Variants in GALNT2 observed in about 807,000 individuals in gnomAD.
GALNT2 encodes the protein UDP-GalNAc:polypeptide N-acetylgalactosaminyltransferase 2.
Under a neutral mutation model 81.4 loss-of-function variants are expected in GALNT2, and 31 were observed. That is an observed-to-expected ratio of 0.38 (90% CI 0.29 to 0.51). GALNT2 has a LOEUF of 0.51. Among genes scored for constraint, GALNT2 ranks in the 20% least tolerant of loss-of-function variants. The pLI is 0.87. For missense variants in GALNT2, 629 were observed against 765.7 expected, an observed-to-expected ratio of 0.82 and a Z score of 2.11; for synonymous variants, 303 against 287.4, an observed-to-expected ratio of 1.05 and a Z score of -0.55.
At chr1:230,190,972 A>G (rs1347778022) in intron 2 of GALNT2, among the ~76,000 whole-genome samples, 2 of 152,184 alleles carry the variant, frequency 1.3e-5, no homozygotes, top group Non-Finnish European at 2.9e-5. Flanking sequence ...ATGGCAATGC[A>G]TGCATTTTTT....
At chr1:230,135,636 C>T (rs977568933) in intron 1 of GALNT2, among the ~76,000 whole-genome samples, 5 of 152,130 alleles carry the variant, frequency 3.3e-5, no homozygotes, top group Non-Finnish European at 4.4e-5. Flanking sequence ...CTGGCAGGCT[C>T]GGCTCTGGAT....
At chr1:230,075,165 G>T (rs531808620) in intron 1 of GALNT2, among the ~76,000 whole-genome samples, 3 of 119,074 alleles carry the variant, frequency 2.5e-5, no homozygotes, top group Non-Finnish European at 1.6e-5. Flanking sequence ...TCACTCTGTC[G>T]CCCAGGCTGG....
upstream of GALNT2, among the ~76,000 whole-genome samples, chr1:230,066,233 TTC>T (rs1354872263): frequency 6.6e-6 from 1 of 152,230 alleles, no homozygotes; most frequent in Non-Finnish European, 1.5e-5. Flanking sequence ...TAAGTAAAAT[TTC>T]TGTCTTTCTT....
intron 3 of GALNT2, among the ~76,000 whole-genome samples, chr1:230,209,057 T>C (rs1185611174): frequency 6.6e-6 from 1 of 150,920 alleles, no homozygotes; most frequent in Middle Eastern, 3.2e-3. Context: ...AAAAAAAGCA[T>C]GTTGAAGTTG....
Position 230,149,444 on chromosome 1 carries a change from T to C in GALNT2, c.127-28774T>C, listed in dbSNP as rs1285118892. Among the ~76,000 whole-genome samples the C allele has an allele frequency of 2.6e-5, 4 of 152,126 alleles. No individual in the cohort carries two copies. In the East Asian group the frequency reaches 5.8e-4, roughly 22 times the overall value. On this transcript the variant is annotated intron_variant, in intron 1 of 15. Transcript: ENST00000366672. ...GCTTGGTGGTTTGAGCATCCTATTATTGCAGTGATTCTTAGGTCTGGCGTT... is the reference window on the plus strand; with the variant it reads ...GCTTGGTGGTTTGAGCATCCTATTACTGCAGTGATTCTTAGGTCTGGCGTT...
intron 3 of GALNT2, among the ~76,000 whole-genome samples, chr1:230,213,689 A>G (rs1276554006): frequency 3.9e-5 from 6 of 152,028 alleles, no homozygotes; most frequent in African/African-American, 1.4e-4. Flanking sequence ...TCTTAGTTCC[A>G]CCTGCTTTGT....
rs758390037 is a variant in GALNT2 at position 230,255,220 on chromosome 1, A to G, written c.1012A>G (p.Ile338Val). Residue 338 changes from isoleucine (I) to valine (V), a missense_variant and splice_region_variant, in exon 11 of 16, where the codon ATC becomes GTC. Ile to Val is a conservative substitution (Grantham distance 29, BLOSUM62 3). Coordinates refer to ENST00000366672, the MANE Select transcript of GALNT2 (RefSeq NM_004481.5). ...MDVWGGENLE[I>V]SFRVWQCGGS... is the part of the protein sequence containing the mutation. The stretch of plus-strand genomic sequence containing the variant: ...CTGTGTCTTGTTCATCGTCTCAGAG[A>G]TCTCGTTCCGCGTGTGGCAGTGTGG... The G allele has an allele frequency of 1.2e-6, 2 of 1,614,152 alleles. No individual in the cohort carries two copies. The highest frequency in any genetic ancestry group is 1.7e-6 in the Non-Finnish European group (2 of 1,180,022).
chr1:230,067,341 T>A lies in GALNT2; in HGVS notation c.61T>A (p.Tyr21Asn). 7.3e-7 allele frequency: 1 copy of A among 1,377,350 alleles called. No homozygotes were observed. The highest frequency in any genetic ancestry group is 1.6e-5 in the South Asian group (1 of 61,588). The allele number at this position is 1,377,350 out of a possible 1,614,324, so 85.3% of individuals were successfully genotyped here. ...CTTCCTGTGGGTGCTGGGCATCGCC[T>A]ACTACATGTACTCGGGGGGCGGCTC... Reference protein sequence around the residue: ...FAFLWVLGIAYYMYSGGGSAL... With the variant: ...FAFLWVLGIANYMYSGGGSAL... The change falls in exon 1 of 16, where the codon TAC becomes AAC. Residue 21 changes from tyrosine (Y) to asparagine (N), a missense_variant. This residue lies in a region of GALNT2 where 62 missense variants were observed against 47.3 expected (regional missense o/e 1.31). Coordinates refer to ENST00000366672, the MANE Select transcript of GALNT2 (RefSeq NM_004481.5).
At chr1:230,083,314 G>A (rs780458654) in intron 1 of GALNT2, among the ~76,000 whole-genome samples, 3 of 148,046 alleles carry the variant, frequency 2.0e-5, no homozygotes, top group Non-Finnish European at 4.5e-5. Flanking sequence ...GGATGATGGA[G>A]TGGGGAGCGA....
chr1:230,103,188 T>A (rs1660450082), intron 1 of GALNT2, among the ~76,000 whole-genome samples: 1 of 152,154 alleles, frequency 6.6e-6, no homozygotes, highest in South Asian at 2.1e-4. Flanking sequence ...ACAGTTGTGG[T>A]CCTTTCATGT....
At position 230,262,596 on chromosome 1, in the gene GALNT2, T is replaced by G; in HGVS notation, c.1160T>G (p.Val387Gly). 1 of 1,614,014 alleles carries G rather than the reference T, an allele frequency of 6.2e-7. No homozygotes were observed. The highest frequency in any genetic ancestry group is 8.5e-7 in the Non-Finnish European group (1 of 1,179,960). The change falls in exon 12 of 16, where the codon GTC becomes GGC. Residue 387 changes from valine (V) to glycine (G), a missense_variant. By Grantham distance (109) the Val-to-Gly change is moderately radical. Coordinates refer to ENST00000366672, the MANE Select transcript of GALNT2 (RefSeq NM_004481.5). Reference sequence around the variant, plus strand: ...AGAAACACCCGCCGGGCAGCAGAGGTCTGGATGGATGAATACAAAAATTTC... The same window carrying G: ...AGAAACACCCGCCGGGCAGCAGAGGGCTGGATGGATGAATACAAAAATTTC... ...FARNTRRAAEVWMDEYKNFYY... is the reference protein window; with the variant it reads ...FARNTRRAAEGWMDEYKNFYY...
intron 3 of GALNT2, among the ~76,000 whole-genome samples, chr1:230,221,966 CTTCTGTCTTCTTTT>C (rs962031273): frequency 3.2e-4 from 49 of 151,042 alleles, no homozygotes; most frequent in Non-Finnish European, 6.0e-4. Flanking sequence ...CTCCTCCTTA[CTTCTGTCTTCTTTT>C]CATCCTTGAC....
At chr1:230,109,985 A>G (rs1307414220) in intron 1 of GALNT2, among the ~76,000 whole-genome samples, 1 of 152,244 alleles carries the variant, frequency 6.6e-6, no homozygotes, top group East Asian at 1.9e-4. Flanking sequence ...TGTCACGCAG[A>G]TCAGAGATGT....
chr1:230,244,348 G>A (rs1665299336), intron 7 of GALNT2, among the ~76,000 whole-genome samples: 1 of 152,072 alleles, frequency 6.6e-6, no homozygotes, highest in South Asian at 2.1e-4. Context: ...CTTTAATAAT[G>A]CACGCAAAAT....
At chr1:230,128,620 C>T (rs1227250892) in intron 1 of GALNT2, among the ~76,000 whole-genome samples, 2 of 17,216 alleles carry the variant, frequency 1.2e-4, no homozygotes, top group Non-Finnish European at 2.2e-4. Flanking sequence ...GTGTGTGTGG[C>T]GGGGGCGGGG....
At chr1:230,179,551 T>C (rs1239774796) in intron 2 of GALNT2, among the ~76,000 whole-genome samples, 1 of 152,236 alleles carries the variant, frequency 6.6e-6, no homozygotes, top group East Asian at 1.9e-4. Context: ...TCTAATGACA[T>C]ATGATGTTGA....
intron 1 of GALNT2, among the ~76,000 whole-genome samples, chr1:230,081,901 G>A (rs1004733846): frequency 2.6e-5 from 4 of 152,206 alleles, no homozygotes; most frequent in East Asian, 1.9e-4. Context: ...ATTGGCTTGC[G>A]TTTCCTTGTC....
chr1:230,274,421 C>CT, intron 14 of GALNT2, 24 bp from the exon 15 acceptor site: 1 of 1,612,286 alleles, frequency 6.2e-7, no homozygotes, highest in African/African-American at 1.3e-5. Context: ...TAGCACGCCT[C>CT]TGACTTCTGG....
chr1:230,241,744 G>A (rs1665208532), intron 6 of GALNT2, among the ~76,000 whole-genome samples: 1 of 152,186 alleles, frequency 6.6e-6, no homozygotes, highest in Admixed American at 6.5e-5. Context: ...ACCACGCCCG[G>A]CCATGAGTTT....
Sources: allele counts gnomAD v4.1 joint callset (sites outside exome capture counted in the v4.1 genomes callset), GRCh38; gene constraint gnomAD v4.1.1; regional missense constraint gnomAD v4.1.1; transcripts MANE v1.5; gene names NCBI Gene and HGNC (gene_info 2026-07-23, HGNC 2026-07-21).